Variants in ORC3 observed in about 807,000 individuals in gnomAD.
ORC3 encodes homolog of latheo, Drosophila.
Under a neutral mutation model 100.7 loss-of-function variants are expected in ORC3, and 78 were observed. The observed-to-expected ratio is 0.77, with a 90% CI of 0.65 to 0.94. ORC3 has a LOEUF of 0.94. ORC3 is among the 40% of genes least tolerant of loss of function. ORC3 has a pLI of 0.00. For missense variants in ORC3, 789 were observed against 823.9 expected (o/e 0.96, Z 0.52); for synonymous variants, 295 against 289.3 (o/e 1.02, Z -0.20).
chr6:87,613,196 T>G (rs1778906249), intron 8 of ORC3, among the ~76,000 whole-genome samples: 1 of 152,098 alleles, frequency 6.6e-6, no homozygotes, highest in Non-Finnish European at 1.5e-5. Flanking sequence ...ACAATCATGG[T>G]GGAAGGCAAG....
At chr6:87,635,122 G>T (rs2128278067) in intron 12 of ORC3, among the ~76,000 whole-genome samples, 161 bp downstream of exon 12, 1 of 152,312 alleles carries the variant, frequency 6.6e-6, no homozygotes, top group African/African-American at 2.4e-5. Flanking sequence ...ACTGGTAATT[G>T]ATATTGTTTT....
At chr6:87,613,346 A>G (rs1332078560) in intron 8 of ORC3, among the ~76,000 whole-genome samples, 4 of 152,220 alleles carry the variant, frequency 2.6e-5, no homozygotes, top group African/African-American at 9.6e-5. Context: ...ACTTGCTCCC[A>G]TGATTCAATT....
chr6:87,613,547 G>A (rs1351614936), intron 8 of ORC3, among the ~76,000 whole-genome samples: 3 of 152,174 alleles, frequency 2.0e-5, no homozygotes, highest in Non-Finnish European at 4.4e-5. Context: ...ATAGTCCACA[G>A]TCCAAAGTCT....
intron 2 of ORC3, among the ~76,000 whole-genome samples, chr6:87,597,284 T>C (rs979746445): frequency 3.3e-5 from 5 of 152,182 alleles, no homozygotes; most frequent in African/African-American, 1.2e-4. Context: ...GACTGCGACC[T>C]GTCACTTGAG....
intron 17 of ORC3, 34 bp downstream of exon 17, chr6:87,663,178 C>T: frequency 1.3e-6 from 2 of 1,557,384 alleles, no homozygotes; most frequent in South Asian, 1.1e-5. Context: ...GATAGTTTAG[C>T]TCAGACTCTG....
intron 2 of ORC3, among the ~76,000 whole-genome samples, chr6:87,599,490 C>T (rs1402523861): frequency 6.6e-6 from 1 of 151,948 alleles, no homozygotes; most frequent in Non-Finnish European, 1.5e-5. Context: ...GCCTCAGCCT[C>T]CTGAGTACCT....
intron 13 of ORC3, among the ~76,000 whole-genome samples, chr6:87,646,750 A>G (rs1357027960): frequency 6.6e-6 from 1 of 152,168 alleles, no homozygotes; most frequent in African/African-American, 2.4e-5. Flanking sequence ...TCTCTCTGAC[A>G]TCTTAACATT....
At chr6:87,640,690 C>T (rs1233612576) in intron 13 of ORC3, among the ~76,000 whole-genome samples, 2 of 152,100 alleles carry the variant, frequency 1.3e-5, no homozygotes, top group African/African-American at 2.4e-5. Context: ...AAAATTTTAC[C>T]CCTCTATTGG....
chr6:87,658,050 AATC>A (rs1192971803), intron 16 of ORC3, 32 bp downstream of exon 16: 12 of 1,157,094 alleles, frequency 1.0e-5, no homozygotes, highest in Non-Finnish European at 1.6e-5. Flanking sequence ...AAGAGCTAAA[AATC>A]ATGCTGTTTT....
intron 16 of ORC3, among the ~76,000 whole-genome samples, chr6:87,660,656 T>G (rs190255243): frequency 6.6e-6 from 1 of 152,386 alleles, no homozygotes; most frequent in African/African-American, 2.4e-5. Flanking sequence ...TGCCACTTTC[T>G]AAGTTACTGT....
At chr6:87,625,059 T>C (rs1583070908) in intron 11 of ORC3, among the ~76,000 whole-genome samples, 1 of 152,210 alleles carries the variant, frequency 6.6e-6, no homozygotes, top group Non-Finnish European at 1.5e-5. Context: ...TATTCCATGG[T>C]GTATATGTGC....
intron 8 of ORC3, among the ~76,000 whole-genome samples, chr6:87,613,280 T>C (rs1225166292): frequency 6.6e-6 from 1 of 152,154 alleles, no homozygotes; most frequent in Admixed American, 6.5e-5. Context: ...CTCCTCTTTA[T>C]AAAACCATCA....
rs150888608 is a variant in ORC3, at chr6:87,650,984, G to A, written c.1383-2132G>A. On this transcript the variant is annotated intron_variant, in intron 13 of 19. Transcript: ENST00000392844. ...ATCACGCCATTGCACCCTAGCCTGA[G>A]CAACAAGAGCAAAACTGCGTCTCAA... is the stretch of plus-strand genomic sequence containing the variant. The A allele has an allele frequency of 8.3e-5, 30 of 361,120 alleles. No homozygotes were observed. In the East Asian group the frequency reaches 2.0e-3, roughly 25 times the overall value. The allele number at this position is 361,120 out of a possible 1,614,324, so 22.4% of individuals were successfully genotyped here. A position where few individuals can be genotyped will look rare whatever the true frequency, so the allele number is the denominator to read the frequency against.
intron 13 of ORC3, among the ~76,000 whole-genome samples, chr6:87,643,753 A>G (rs1768471198): frequency 6.6e-6 from 1 of 152,152 alleles, no homozygotes; most frequent in Admixed American, 6.6e-5. Flanking sequence ...TTTCTTGTGA[A>G]CTCAGGGTTA....
chr6:87,611,577 A>G (rs1184425831), intron 7 of ORC3, among the ~76,000 whole-genome samples: 1 of 152,198 alleles, frequency 6.6e-6, no homozygotes, highest in African/African-American at 2.4e-5. Context: ...ACATGAAGTC[A>G]GGAGTTTGAG....
At chr6:87,661,230 C>T (rs575973984) in intron 16 of ORC3, among the ~76,000 whole-genome samples, 3 of 152,282 alleles carry the variant, frequency 2.0e-5, no homozygotes, top group South Asian at 4.1e-4. Flanking sequence ...AGTTTATGGT[C>T]AGAAATTACA....
chr6:87,653,141 A>C lies in ORC3; in HGVS notation c.1408A>C (p.Thr470Pro). Reference sequence around the variant, plus strand: ...GATGTTGGCAAAGGATGAACTGATGACCATACTTGAGAAATGTTTCAAGGT... The same window carrying C: ...GATGTTGGCAAAGGATGAACTGATGCCCATACTTGAGAAATGTTTCAAGGT... ...LRMLAKDELM[T>P]ILEKCFKVFK... is the part of the protein sequence containing the mutation. The change falls in exon 14 of 20, where the codon ACC becomes CCC. Residue 470 changes from threonine to proline, a missense_variant. Transcript: ENST00000392844. 2 of 1,613,374 alleles carry C rather than the reference A, an allele frequency of 1.2e-6. No homozygotes were observed. Among genetic ancestry groups the C allele is most frequent in the Non-Finnish European group, 8.5e-7 (1 of 1,179,366 alleles).
At position 87,601,855 on chromosome 6, in the gene ORC3, T is replaced by C; in HGVS notation, c.151T>C (p.Trp51Arg). The change falls in exon 3 of 20, where the codon TGG becomes CGG. Residue 51 changes from tryptophan (W) to arginine (R), a missense_variant. Trp to Arg is a moderately radical substitution (Grantham distance 101). Coordinates refer to ENST00000392844, the MANE Select transcript of ORC3 (RefSeq NM_012381.4). ...TCGATTCGAAACTTATCAGTTGATA[T>C]GGCAGCAGATGAAATCTGAAAATGA... Reference protein sequence around the residue: ...KLRFETYQLIWQQMKSENERL... With the variant: ...KLRFETYQLIRQQMKSENERL... 1.9e-6 allele frequency: 3 copies of C among 1,605,678 alleles called. No homozygotes were observed. The highest frequency in any genetic ancestry group is 1.1e-5 in the South Asian group (1 of 90,900).
intron 11 of ORC3, among the ~76,000 whole-genome samples, chr6:87,627,862 G>T (rs6932464): frequency 6.6e-6 from 1 of 152,022 alleles, no homozygotes; most frequent in Non-Finnish European, 1.5e-5. Flanking sequence ...CTAGGAGGAA[G>T]CATTTGTTAT....
Sources: allele counts gnomAD v4.1 joint callset (sites outside exome capture counted in the v4.1 genomes callset), GRCh38; gene constraint gnomAD v4.1.1; transcripts MANE v1.5; gene names NCBI Gene and HGNC (gene_info 2026-07-23, HGNC 2026-07-21).